Variants in TNRC6A observed in about 807,000 individuals in gnomAD.
TNRC6A encodes trinucleotide repeat containing adaptor 6A.
A neutral mutation model predicts 221.2 loss-of-function variants in TNRC6A; 44 were observed. The ratio of observed to expected loss-of-function variants is 0.20; its 90% CI spans 0.16 to 0.26. The LOEUF (loss-of-function observed/expected upper bound fraction) is 0.26. Among genes scored for constraint, TNRC6A ranks in the 10% least tolerant of loss-of-function variants. The pLI is 1.00. For synonymous variants in TNRC6A, 847 were observed against 838.5 expected (o/e 1.01, Z -0.18); for missense variants, 2,199 against 2,404.4 (o/e 0.91, Z 1.79).
At chr16:24,740,890 G>A (rs779300042) in intron 2 of TNRC6A, among the ~76,000 whole-genome samples, 1 of 152,150 alleles carries the variant, frequency 6.6e-6, no homozygotes, top group Non-Finnish European at 1.5e-5. Context: ...TGGAGTCATA[G>A]AGTGTTTGTC....
intron 2 of TNRC6A, chr16:24,671,018 C>T (rs1297189566): frequency 5.2e-6 from 2 of 385,614 alleles, no homozygotes; most frequent in South Asian, 3.7e-5. Flanking sequence ...TCCTCATCTT[C>T]CTCGCCAGCC....
At chr16:24,816,283 C>G (rs1207068249) in intron 19 of TNRC6A, 1 of 147,744 alleles carries the variant, frequency 6.8e-6, no homozygotes, top group Non-Finnish European at 1.5e-5. Flanking sequence ...GAGCCAAGAT[C>G]ATGCCACTGC....
intron 2 of TNRC6A, among the ~76,000 whole-genome samples, chr16:24,667,651 A>AC (rs1008084548): frequency 2.0e-5 from 3 of 152,088 alleles, no homozygotes. Flanking sequence ...AGTATTACCT[A>AC]CCCCCCAGTT....
At chr16:24,738,415 T>C (rs920739611) in intron 2 of TNRC6A, among the ~76,000 whole-genome samples, 1 of 152,114 alleles carries the variant, frequency 6.6e-6, no homozygotes, top group African/African-American at 2.4e-5. Context: ...TTTCACCCCT[T>C]CACCCAAAAA....
At chr16:24,695,873 G>A (rs1282942740) in intron 2 of TNRC6A, among the ~76,000 whole-genome samples, 3 of 152,164 alleles carry the variant, frequency 2.0e-5, no homozygotes, top group Non-Finnish European at 4.4e-5. Context: ...TAGGGAGAAG[G>A]AGTGCACTGA....
chr16:24,646,069 T>C (rs1252130309), intron 2 of TNRC6A, among the ~76,000 whole-genome samples: 3 of 152,052 alleles, frequency 2.0e-5, no homozygotes, highest in African/African-American at 7.2e-5. Context: ...TGCAGAATCA[T>C]TACTATTGAT....
rs1197726651 is a variant in TNRC6A at position 24,777,308 on chromosome 16, A to G, written c.539A>G (p.Asn180Ser). ...CAGTCAGAAAGCAGTGCTTTAACAAATCAACAGCCACAAAATAACGGAGAG... is the reference window on the plus strand; with the variant it reads ...CAGTCAGAAAGCAGTGCTTTAACAAGTCAACAGCCACAAAATAACGGAGAG... Reference protein sequence around the residue: ...NSQSESSALTNQQPQNNGEVQ... With the variant: ...NSQSESSALTSQQPQNNGEVQ... Residue 180 changes from asparagine to serine, a missense_variant, in exon 5 of 25, where the codon AAT becomes AGT. Physicochemically the swap from Asn to Ser is conservative, Grantham distance 46 (BLOSUM62 1). This residue lies in a region of TNRC6A where 1,405 missense variants were observed against 1,400.2 expected (regional missense o/e 1.00). Transcript: ENST00000395799. The G allele has an allele frequency of 6.2e-7, 1 of 1,613,950 alleles. No individual in the cohort carries two copies. The highest frequency in any genetic ancestry group is 1.1e-5 in the South Asian group (1 of 91,086).
At chr16:24,632,670 G>C (rs141916283) in intron 1 of TNRC6A, among the ~76,000 whole-genome samples, 153 of 152,062 alleles carry the variant, frequency 1.0e-3, no homozygotes, top group African/African-American at 3.4e-3. Context: ...CTGATCCCAC[G>C]ATACCCCTAC....
At chr16:24,624,471 T>TGTTC (rs776207206) in intron 1 of TNRC6A, among the ~76,000 whole-genome samples, 1 of 150,456 alleles carries the variant, frequency 6.6e-6, no homozygotes, top group African/African-American at 2.5e-5. Flanking sequence ...AAGGACCGTT[T>TGTTC]GTTTGTTTGT....
intron 2 of TNRC6A, among the ~76,000 whole-genome samples, chr16:24,656,639 T>C (rs965415195): frequency 2.6e-5 from 4 of 151,996 alleles, no homozygotes; most frequent in Admixed American, 2.6e-4. Flanking sequence ...TATAAATAAA[T>C]AACACCAGGT....
At chr16:24,642,177 G>T (rs779812739) in intron 2 of TNRC6A, among the ~76,000 whole-genome samples, 1 of 152,160 alleles carries the variant, frequency 6.6e-6, no homozygotes. Flanking sequence ...CATAGGGAGG[G>T]GCTCTCAGCA....
intron 4 of TNRC6A, among the ~76,000 whole-genome samples, chr16:24,763,554 T>C (rs575656461): frequency 6.6e-6 from 1 of 152,188 alleles, no homozygotes; most frequent in African/African-American, 2.4e-5. Context: ...TCTCATGAGG[T>C]CATCTTGAGA....
In TNRC6A at chr16:24,702,167, TC is replaced by T. The variant is rs1461728234; in HGVS notation, n.403-48558del. On this transcript the variant is annotated intron_variant and non_coding_transcript_variant, in intron 2 of 2. Transcript: ENST00000566108. ...TTCGCGTGTAAACTCTTTTTTCTTT[TC>T]TTTTTTCTTTTTTCTTTTTTTTTTT... 1.6e-4 allele frequency among the ~76,000 whole-genome samples: 16 copies of T among 98,768 alleles called. 1 individual carries two copies. Among genetic ancestry groups the T allele is most frequent in the Admixed American group, 3.2e-4 (3 of 9,396 alleles). 64.8% of individuals were successfully genotyped at this position (98,768 alleles called of 152,430 possible).
At chr16:24,752,154 TG>T (rs2057151358) in intron 3 of TNRC6A, among the ~76,000 whole-genome samples, 1 of 152,058 alleles carries the variant, frequency 6.6e-6, no homozygotes, top group Non-Finnish European at 1.5e-5. Context: ...ATTGTGGAAT[TG>T]GTTTAGAGGG....
At chr16:24,713,041 A>T (rs2056237618) in intron 2 of TNRC6A, among the ~76,000 whole-genome samples, 1 of 151,900 alleles carries the variant, frequency 6.6e-6, no homozygotes, top group African/African-American at 2.4e-5. Context: ...AGCCTCCCAA[A>T]GAGTTGGGAT....
intron 1 of TNRC6A, among the ~76,000 whole-genome samples, chr16:24,622,488 G>A (rs1338910092): frequency 6.6e-6 from 1 of 152,010 alleles, no homozygotes; most frequent in East Asian, 1.9e-4. Context: ...GTAATCCCTG[G>A]GAGGCTGAGG....
At chr16:24,714,742 A>G (rs1048016818) in intron 2 of TNRC6A, among the ~76,000 whole-genome samples, 8 of 152,258 alleles carry the variant, frequency 5.3e-5, no homozygotes, top group Non-Finnish European at 1.2e-4. Context: ...TACAGCTCTA[A>G]TAACTGTCTT....
At chr16:24,695,092 T>C (rs918756834) in intron 2 of TNRC6A, among the ~76,000 whole-genome samples, 40 of 152,010 alleles carry the variant, frequency 2.6e-4, no homozygotes, top group African/African-American at 9.4e-4. Context: ...GGCACGGGAG[T>C]GTACTGGGCC....
At chr16:24,708,523 G>A (rs954342407) in intron 2 of TNRC6A, among the ~76,000 whole-genome samples, 11 of 152,058 alleles carry the variant, frequency 7.2e-5, no homozygotes, top group Non-Finnish European at 1.3e-4. Flanking sequence ...TTATAAGCGT[G>A]AGCCACCGCC....
Sources: allele counts gnomAD v4.1 joint callset (sites outside exome capture counted in the v4.1 genomes callset), GRCh38; gene constraint gnomAD v4.1.1; regional missense constraint gnomAD v4.1.1; transcripts MANE v1.5; gene names NCBI Gene and HGNC (gene_info 2026-07-23, HGNC 2026-07-21).